Variants in FKBP5 observed in about 807,000 individuals in gnomAD.
The protein encoded by FKBP5 is peptidyl-prolyl cis-trans isomerase FKBP5.
Under a neutral mutation model 50.5 loss-of-function variants are expected in FKBP5, and 23 were observed. The ratio of observed to expected loss-of-function variants is 0.46; its 90% CI spans 0.33 to 0.65. The LOEUF is 0.65. FKBP5 is among the 30% of genes least tolerant of loss of function. FKBP5 has a pLI of 0.02. For missense variants in FKBP5, 411 were observed against 553.1 expected (o/e 0.74, Z 2.58); for synonymous variants, 176 against 190.6 (o/e 0.92, Z 0.63).
At chr6:35,695,638 TAACA>T (rs1321290268) in intron 2 of FKBP5, among the ~76,000 whole-genome samples, 4 of 152,184 alleles carry the variant, frequency 2.6e-5, no homozygotes, top group South Asian at 2.1e-4. Context: ...CTATTAGAAC[TAACA>T]AACAAATTCA....
chr6:35,604,877 A>G (rs974498591), intron 5 of FKBP5, among the ~76,000 whole-genome samples: 2 of 146,682 alleles, frequency 1.4e-5, no homozygotes, highest in African/African-American at 5.1e-5. Flanking sequence ...TACAACCTCC[A>G]CCTCCCGGGT....
chr6:35,620,268 A>C lies in FKBP5; in HGVS notation c.257T>G (p.Val86Gly). The change falls in exon 4 of 11, where the codon GTC (valine) becomes GGC (glycine). Residue 86 changes from valine (V) to glycine (G), a missense_variant. Val to Gly is a moderately radical substitution (Grantham distance 109). This residue lies in a region of FKBP5 where 267 missense variants were observed against 405.9 expected (regional missense o/e 0.66). Coordinates refer to ENST00000357266, the MANE Select transcript of FKBP5 (RefSeq NM_004117.4). Reference sequence around the variant, plus strand: ...CACCCCAATGTCCCATGCCTTGATGACTTGGCCTAAGGGAAAGGAAAAGGT... The same window carrying C: ...CACCCCAATGTCCCATGCCTTGATGCCTTGGCCTAAGGGAAAGGAAAAGGT... ...PFVFSLGKGQ[V>G]IKAWDIGVAT... is the part of the protein sequence containing the mutation. The C allele has an allele frequency of 6.2e-7, 1 of 1,614,036 alleles. No individual in the cohort carries two copies. The highest frequency in any genetic ancestry group is 8.5e-7 in the Non-Finnish European group (1 of 1,179,950).
At chr6:35,706,623 T>C (rs1415460685) in intron 2 of FKBP5, among the ~76,000 whole-genome samples, 1 of 152,002 alleles carries the variant, frequency 6.6e-6, no homozygotes, top group Non-Finnish European at 1.5e-5. Flanking sequence ...TTTGTGGGAG[T>C]GAAGATTGTG....
chr6:35,716,216 T>C (rs1436236063), intron 2 of FKBP5, among the ~76,000 whole-genome samples: 1 of 151,812 alleles, frequency 6.6e-6, no homozygotes, highest in Non-Finnish European at 1.5e-5. Flanking sequence ...TAAAAACATT[T>C]CTAAAAATTA....
At chr6:35,629,608 C>T (rs1238261254) in intron 3 of FKBP5, among the ~76,000 whole-genome samples, 1 of 152,158 alleles carries the variant, frequency 6.6e-6, no homozygotes, top group African/African-American at 2.4e-5. Flanking sequence ...TAAATTGTTA[C>T]ATACTTGAAG....
In FKBP5 at chr6:35,605,313, A is replaced by G. The variant is rs116349204; in HGVS notation, c.509-7909T>C. ...ATAAAATCCAACATCCCTTCATTAT[A>G]AAAAACCCTCAATAAACTAAGCATC... On this transcript the variant is annotated intron_variant, in intron 5 of 10. Transcript: ENST00000357266. Among the ~76,000 whole-genome samples, 642 of 151,990 alleles carry G rather than the reference A, an allele frequency of 4.2e-3. 4 individuals are homozygous for G. The highest frequency in any genetic ancestry group is 0.014 in the African/African-American group (593 of 41,468).
chr6:35,624,667 G>A (rs893093800), intron 3 of FKBP5, among the ~76,000 whole-genome samples: 1 of 152,016 alleles, frequency 6.6e-6, no homozygotes, highest in African/African-American at 2.4e-5. Context: ...GATTTATTAA[G>A]ATACCCAAAC....
At chr6:35,587,211 C>G (rs551813765) in intron 7 of FKBP5, 94 bp from the exon 8 acceptor site, 1 of 1,127,540 alleles carries the variant, frequency 8.9e-7, no homozygotes, top group Non-Finnish European at 1.3e-6. Context: ...CTAGAAGATA[C>G]TCCAAACTGA....
In FKBP5 at chr6:35,573,970, G is replaced by A. The variant is rs1762138422; in HGVS notation, c.*1865C>T. On this transcript the variant is annotated 3_prime_UTR_variant, in exon 11 of 11. Transcript: ENST00000357266. ...CTTGTTTGTTATCTGCAAAAAGCTA[G>A]GTGGCCTTTTTAGTATCAAATTTCA... The A allele has an allele frequency of 6.6e-6, 1 of 152,210 alleles. No individual in the cohort carries two copies. Among genetic ancestry groups the A allele is most frequent in the South Asian group, 2.1e-4 (1 of 4,828 alleles). 9.4% of individuals were successfully genotyped at this position (152,210 alleles called of 1,614,324 possible).
chr6:35,604,891 C>T (rs926141962), intron 5 of FKBP5, among the ~76,000 whole-genome samples: 7 of 151,646 alleles, frequency 4.6e-5, no homozygotes, highest in Admixed American at 1.3e-4. Flanking sequence ...CCCGGGTTCA[C>T]GCCATTCTCC....
rs1416875723 is a variant in FKBP5, at chr6:35,618,953, C to G, written c.508+143G>C. ...TCAGGCAATCCACCCGCCTCGACCT[C>G]CCAAAGTGCTGGGATTACAGGCGTG... On this transcript the variant is annotated intron_variant, in intron 5 of 10. Coordinates refer to ENST00000357266, the MANE Select transcript of FKBP5 (RefSeq NM_004117.4). 3 of 606,836 alleles carry G rather than the reference C, an allele frequency of 4.9e-6. No homozygotes were observed. In the African/African-American group the frequency reaches 5.6e-5, roughly 11 times the overall value. The allele number at this position is 606,836 out of a possible 1,614,324, so 37.6% of individuals were successfully genotyped here. A position where few individuals can be genotyped will look rare whatever the true frequency, so the allele number is the denominator to read the frequency against.
chr6:35,657,089 CCTGTAGTCCCAGCTACTCGGGAGG>C (rs1229586503), intron 1 of FKBP5, among the ~76,000 whole-genome samples: 1 of 151,018 alleles, frequency 6.6e-6, no homozygotes, highest in Non-Finnish European at 1.5e-5. Flanking sequence ...GTGGCGGGCG[CCTGTAGTCCCAGCTACTCGGGAGG>C]CTGAGGCAGA....
At chr6:35,694,422 T>C (rs1012379360) in intron 2 of FKBP5, among the ~76,000 whole-genome samples, 1 of 152,154 alleles carries the variant, frequency 6.6e-6, no homozygotes, top group African/African-American at 2.4e-5. Flanking sequence ...GCTGGGATTA[T>C]AAGTGTGAGC....
chr6:35,666,262 G>A (rs115871276), intron 1 of FKBP5, among the ~76,000 whole-genome samples: 145 of 151,516 alleles, frequency 9.6e-4, no homozygotes, highest in African/African-American at 2.7e-3. Flanking sequence ...TTTTAAGGGC[G>A]AATTTCCCAA....
chr6:35,577,055 T>C lies in FKBP5; in HGVS notation c.1205A>G (p.Asn402Ser), dbSNP rs750561820. 2.5e-6 allele frequency: 4 copies of C among 1,614,204 alleles called. No homozygotes were observed. The highest frequency in any genetic ancestry group is 3.4e-6 in the Non-Finnish European group (4 of 1,180,018). ...GGCGTATATCCTGCGGTCCCGCTCG[T>C]TGTGCTCCTTGGCCTTTTTCTGGCA... Reference protein sequence around the residue: ...SMCQKKAKEHNERDRRIYANM... With the variant: ...SMCQKKAKEHSERDRRIYANM... Residue 402 changes from asparagine to serine, a missense_variant, in exon 10 of 11, where the codon AAC becomes AGC. Coordinates refer to ENST00000357266, the MANE Select transcript of FKBP5 (RefSeq NM_004117.4).
In FKBP5 at chr6:35,661,216, T is replaced by C. The variant is rs1765061752; in HGVS notation, c.-19-18373A>G. ...ATTGAGCAGGCTGGTCTTGAACTCCTGGTCTCAAGTGATCCTCTCATCTCA... is the reference window on the plus strand; with the variant it reads ...ATTGAGCAGGCTGGTCTTGAACTCCCGGTCTCAAGTGATCCTCTCATCTCA... On this transcript the variant is annotated intron_variant, in intron 1 of 10. Transcript: ENST00000357266. Among the ~76,000 whole-genome samples, 2 of 83,012 alleles carry C rather than the reference T, an allele frequency of 2.4e-5. 1 individual carries two copies. Among genetic ancestry groups the C allele is most frequent in the Non-Finnish European group, 5.5e-5 (2 of 36,238 alleles). 54.5% of individuals were successfully genotyped at this position (83,012 alleles called of 152,430 possible).
chr6:35,619,318 T>A, intron 4 of FKBP5, 108 bp from the exon 5 acceptor site: 1 of 644,368 alleles, frequency 1.6e-6, no homozygotes, highest in Non-Finnish European at 2.7e-6. Flanking sequence ...AAAGCTGTTT[T>A]AAAATATATA....
rs1165141486 is a variant in FKBP5, at chr6:35,591,062, T to C, written c.756+68A>G. ...ATCTATACCACCTACTAAGATAAGA[T>C]ACTGATTTATAGGAAGTGGATGGAG... is the stretch of plus-strand genomic sequence containing the variant. On this transcript the variant is annotated intron_variant, in intron 7 of 10. Coordinates refer to ENST00000357266, the MANE Select transcript of FKBP5 (RefSeq NM_004117.4). The C allele has an allele frequency of 4.9e-6, 5 of 1,022,274 alleles. No individual in the cohort carries two copies. The African/African-American group carries it at 8.0e-5, about 16-fold the overall frequency. 63.3% of individuals were successfully genotyped at this position (1,022,274 alleles called of 1,614,324 possible).
intron 2 of FKBP5, among the ~76,000 whole-genome samples, chr6:35,719,605 C>T (rs1766569727): frequency 6.6e-6 from 1 of 151,834 alleles, no homozygotes; most frequent in African/African-American, 2.4e-5. Context: ...TGCCTGGTGC[C>T]CCTGTGTAGT....
Sources: allele counts gnomAD v4.1 joint callset (sites outside exome capture counted in the v4.1 genomes callset), GRCh38; gene constraint gnomAD v4.1.1; regional missense constraint gnomAD v4.1.1; transcripts MANE v1.5; gene names NCBI Gene and HGNC (gene_info 2026-07-23, HGNC 2026-07-21).